ZNF536: variants seen among roughly 807,000 people sequenced by gnomAD.
ZNF536 encodes zinc finger protein 536.
A neutral mutation model predicts 84.5 loss-of-function variants in ZNF536; 13 were observed. The ratio of observed to expected loss-of-function variants is 0.15; its 90% confidence interval spans 0.10 to 0.24. The LOEUF is 0.24. ZNF536 is among the 10% of genes least tolerant of loss of function. The pLI is 1.00. For synonymous variants in ZNF536, 811 were observed against 742.5 expected (o/e 1.09, Z -1.50); for missense variants, 1,536 against 1,747.5 (o/e 0.88, Z 2.16).
rs79298396 is a variant in ZNF536 at position 30,649,154 on chromosome 19, C to A, written c.170-61603C>A. On this transcript the variant is annotated intron_variant, in intron 1 of 1. Transcript: ENST00000592773. ...CCTCTGTCAGCCTCTGAGCAATGTTCCAGAAGCAATTTATAGATGGACTTG... is the reference window on the plus strand; with the variant it reads ...CCTCTGTCAGCCTCTGAGCAATGTTACAGAAGCAATTTATAGATGGACTTG... 3.2e-3 allele frequency among the ~76,000 whole-genome samples: 490 copies of A among 152,284 alleles called. 4 individuals are homozygous for A. Among genetic ancestry groups the A allele is most frequent in the African/African-American group, 0.011 (461 of 41,558 alleles).
chr19:30,489,319 C>T (rs1429860274), intron 2 of ZNF536, among the ~76,000 whole-genome samples: 3 of 152,206 alleles, frequency 2.0e-5, no homozygotes, highest in African/African-American at 7.2e-5. Flanking sequence ...GGTGCTCAGG[C>T]TTGCAGTCCC....
rs966308206 is a variant in ZNF536 at position 30,557,294 on chromosome 19, C to T, written c.*130C>T. 1 of 1,048,072 alleles carries T rather than the reference C, an allele frequency of 9.5e-7. No individual in the cohort carries two copies. Among genetic ancestry groups the T allele is most frequent in the Middle Eastern group, 2.1e-4 (1 of 4,788 alleles). 64.9% of individuals were successfully genotyped at this position (1,048,072 alleles called of 1,614,324 possible). A position where few individuals can be genotyped will look rare whatever the true frequency, so the allele number is the denominator to read the frequency against. ...TACACATATGTGTGTTGAATAATTA[C>T]TATTGGCATAGGTATGTGTATACAC... On this transcript the variant is annotated 3_prime_UTR_variant, in exon 5 of 5. Coordinates refer to ENST00000355537, the MANE Select transcript of ZNF536 (RefSeq NM_014717.3).
At chr19:30,289,478 C>T (rs888375918) in intron 2 of ZNF536, among the ~76,000 whole-genome samples, 8 of 152,202 alleles carry the variant, frequency 5.3e-5, no homozygotes, top group Admixed American at 3.9e-4. Flanking sequence ...CATGCGAGTG[C>T]CTGAGAGGCC....
intron 1 of ZNF536, among the ~76,000 whole-genome samples, chr19:30,235,329 G>A (rs529710754): frequency 3.3e-4 from 51 of 152,316 alleles, no homozygotes; most frequent in Admixed American, 2.4e-3. Flanking sequence ...TTGCACTCCT[G>A]CCTCCCTAAA....
intron 2 of ZNF536, among the ~76,000 whole-genome samples, chr19:30,325,796 A>G (rs2047003647): frequency 6.6e-6 from 1 of 152,266 alleles, no homozygotes; most frequent in Non-Finnish European, 1.5e-5. Flanking sequence ...GTACCTCCAG[A>G]TGTGCCCACT....
chr19:30,487,015 T>C (rs1433390273), intron 2 of ZNF536, among the ~76,000 whole-genome samples: 1 of 152,130 alleles, frequency 6.6e-6, no homozygotes, highest in East Asian at 1.9e-4. Context: ...ATAACAAATA[T>C]TAAAAACTGA....
At chr19:30,512,717 A>G (rs544792795) in intron 2 of ZNF536, among the ~76,000 whole-genome samples, 1 of 152,288 alleles carries the variant, frequency 6.6e-6, no homozygotes, top group East Asian at 1.9e-4. Context: ...CTAAAATTTC[A>G]TTAAGTAGTT....
In ZNF536 at chr19:30,535,018, TCCAGGGGCACAGC is replaced by T; in HGVS notation, c.2323+24_2323+36del. ...CACACAGGTGAGAAGTCTGAGTGCA[TCCAGGGGCACAGC>T]CCAGAGAAGGAGGAGGTCCCCGTCC... On this transcript the variant is annotated intron_variant, in intron 3 of 4. Transcript: ENST00000355537. The T allele has an allele frequency of 6.2e-7, 1 of 1,601,988 alleles. No individual in the cohort carries two copies. Among genetic ancestry groups the T allele is most frequent in the African/African-American group, 1.3e-5 (1 of 74,770 alleles).
At chr19:30,229,697 G>A (rs1319449532) in intron 1 of ZNF536, among the ~76,000 whole-genome samples, 2 of 152,236 alleles carry the variant, frequency 1.3e-5, no homozygotes, top group Non-Finnish European at 2.9e-5. Flanking sequence ...CATTCTGATA[G>A]CGGAGTGCAA....
intron 2 of ZNF536, among the ~76,000 whole-genome samples, chr19:30,336,339 A>G (rs1436869997): frequency 6.6e-6 from 1 of 152,238 alleles, no homozygotes; most frequent in Non-Finnish European, 1.5e-5. Context: ...GTAGGTGCTC[A>G]GTGAACATGT....
At position 30,365,695 on chromosome 19, in the gene ZNF536, T is replaced by C. The variant is rs571050104; in HGVS notation, c.-3+13211T>C. Among the ~76,000 whole-genome samples, 30 of 152,296 alleles carry C rather than the reference T, an allele frequency of 2.0e-4. No homozygotes were observed. In the South Asian group the frequency reaches 3.3e-3, roughly 17 times the overall value. On this transcript the variant is annotated intron_variant, in intron 3 of 5. Coordinates refer to the ZNF536 transcript ENST00000585628. Reference sequence around the variant, plus strand: ...TTCTGCGGGGAATGAGAGGACTGACTCCTTAGCTCTAAGCTGGCCACTTCC... The same window carrying C: ...TTCTGCGGGGAATGAGAGGACTGACCCCTTAGCTCTAAGCTGGCCACTTCC...
intron 1 of ZNF536, among the ~76,000 whole-genome samples, chr19:30,238,392 T>C (rs1014712092): frequency 4.0e-5 from 6 of 151,846 alleles, no homozygotes; most frequent in Admixed American, 6.6e-5. Flanking sequence ...ACAAATATTC[T>C]CACTCCAATC....
intron 1 of ZNF536, among the ~76,000 whole-genome samples, chr19:30,688,713 A>G (rs990231601): frequency 1.6e-4 from 25 of 152,144 alleles, no homozygotes; most frequent in African/African-American, 5.6e-4. Context: ...CCCACTTAAT[A>G]CTGATGGACT....
At chr19:30,584,898 C>G (rs764487459) in intron 1 of ZNF536, among the ~76,000 whole-genome samples, 30 of 152,096 alleles carry the variant, frequency 2.0e-4, no homozygotes, top group Non-Finnish European at 4.0e-4. Flanking sequence ...GAGTTCAAGA[C>G]CAGCCTAGGA....
chr19:30,573,706 C>T (rs889252961), intron 1 of ZNF536, among the ~76,000 whole-genome samples: 1 of 152,176 alleles, frequency 6.6e-6, no homozygotes, highest in African/African-American at 2.4e-5. Flanking sequence ...AGCAGGAGCT[C>T]GTCAGGACTT....
intron 1 of ZNF536, among the ~76,000 whole-genome samples, chr19:30,663,475 C>T (rs955811855): frequency 6.6e-6 from 1 of 152,166 alleles, no homozygotes. Flanking sequence ...TTATACGACG[C>T]CTTCCAAATA....
chr19:30,301,656 C>T lies in ZNF536; in HGVS notation c.-120+17515C>T, dbSNP rs778666359. On this transcript the variant is annotated intron_variant, in intron 2 of 5. Coordinates refer to the ZNF536 transcript ENST00000585628. ...CTTTAATTCTACAAAGTTATATAAC[C>T]GAATCTTTTGTCTAATTGGTAACTA... Among the ~76,000 whole-genome samples, 9 of 152,146 alleles carry T rather than the reference C, an allele frequency of 5.9e-5. No individual in the cohort carries two copies. In the East Asian group the frequency reaches 7.7e-4, roughly 13 times the overall value.
chr19:30,386,900 G>T (rs964991347), intron 1 of ZNF536, among the ~76,000 whole-genome samples: 13 of 152,330 alleles, frequency 8.5e-5, no homozygotes, highest in African/African-American at 3.1e-4. Context: ...CTTGTCTGCG[G>T]GTCGCCGGCA....
chr19:30,386,761 G>A (rs117286469), intron 1 of ZNF536, among the ~76,000 whole-genome samples: 35 of 152,310 alleles, frequency 2.3e-4, no homozygotes, highest in African/African-American at 5.5e-4. Context: ...AGGGCCTGGC[G>A]CACAGCCAGG....
Sources: allele counts gnomAD v4.1 joint callset (sites outside exome capture counted in the v4.1 genomes callset), GRCh38; gene constraint gnomAD v4.1.1; transcripts MANE v1.5; gene names NCBI Gene and HGNC (gene_info 2026-07-23, HGNC 2026-07-21).